Variants in NCKAP5 observed in about 807,000 individuals in gnomAD.
The protein encoded by NCKAP5 is NCK associated protein 5.
In NCKAP5, 92 loss-of-function variants were observed where a neutral mutation model predicts 167.0. The observed-to-expected ratio is 0.55, with a 90% CI of 0.47 to 0.66. The LOEUF is 0.66. Among genes scored for constraint, NCKAP5 ranks in the 30% least tolerant of loss-of-function variants. NCKAP5 has a pLI of 0.00. For synonymous variants in NCKAP5, 891 were observed against 877.4 expected (o/e 1.02, Z -0.27); for missense variants, 2,378 against 2,315.0 (o/e 1.03, Z -0.56).
chr2:132,759,384 A>C (rs1226850646), intron 16 of NCKAP5, among the ~76,000 whole-genome samples: 1 of 152,122 alleles, frequency 6.6e-6, no homozygotes, highest in East Asian at 1.9e-4. Flanking sequence ...TTAGACTACT[A>C]TCCACAGTAA....
At chr2:132,760,046 C>A (rs1680869935) in intron 16 of NCKAP5, among the ~76,000 whole-genome samples, 1 of 152,024 alleles carries the variant, frequency 6.6e-6, no homozygotes, top group Admixed American at 6.6e-5. Context: ...ATATATTAAT[C>A]ATTTTCCTTA....
At chr2:132,832,089 G>C (rs1037020664) in intron 11 of NCKAP5, among the ~76,000 whole-genome samples, 1 of 152,052 alleles carries the variant, frequency 6.6e-6, no homozygotes, top group East Asian at 1.9e-4. Context: ...AATTTGGTAG[G>C]CAAGTCCCCC....
chr2:133,598,185 G>A, the NCKAP5 span, among the ~76,000 whole-genome samples: 4 of 152,200 alleles, frequency 2.6e-5, no homozygotes, highest in African/African-American at 9.7e-5. Flanking sequence ...AGATTGCTGT[G>A]AGGATTAAAT....
At chr2:133,360,069 C>A (rs1230247102) in intron 3 of NCKAP5, among the ~76,000 whole-genome samples, 2 of 152,064 alleles carry the variant, frequency 1.3e-5, no homozygotes, top group Non-Finnish European at 2.9e-5. Context: ...CCACCACCAG[C>A]CTAGGATGAG....
chr2:133,161,149 A>G (rs769683248), intron 5 of NCKAP5, among the ~76,000 whole-genome samples: 3 of 152,316 alleles, frequency 2.0e-5, no homozygotes, highest in Middle Eastern at 3.4e-3. Flanking sequence ...ATGAGAATCT[A>G]ATTCCTGATG....
intron 3 of NCKAP5, among the ~76,000 whole-genome samples, chr2:133,396,672 C>T (rs1687747602): frequency 6.6e-6 from 1 of 152,076 alleles, no homozygotes; most frequent in African/African-American, 2.4e-5. Flanking sequence ...TGAGGACCCA[C>T]ACTAATGACA....
At chr2:133,588,030 A>G in the NCKAP5 span, among the ~76,000 whole-genome samples, 1 of 152,142 alleles carries the variant, frequency 6.6e-6, no homozygotes, top group South Asian at 2.1e-4. Context: ...ATAGAATAAA[A>G]AGGAATAAAT....
At chr2:132,805,907 A>T (rs1414892155) in intron 11 of NCKAP5, among the ~76,000 whole-genome samples, 2 of 152,072 alleles carry the variant, frequency 1.3e-5, no homozygotes, top group Admixed American at 6.6e-5. Flanking sequence ...CATATTTGTC[A>T]TCTTTTATCC....
chr2:132,771,989 C>T (rs1221745091), intron 16 of NCKAP5, among the ~76,000 whole-genome samples: 2 of 151,908 alleles, frequency 1.3e-5, no homozygotes, highest in South Asian at 2.1e-4. Context: ...CTGCACCAGG[C>T]CGATACTCGT....
At chr2:133,233,351 G>T (rs923756701) in intron 4 of NCKAP5, among the ~76,000 whole-genome samples, 8 of 152,054 alleles carry the variant, frequency 5.3e-5, no homozygotes, top group Non-Finnish European at 1.0e-4. Flanking sequence ...TTTTATGCAA[G>T]CATAAATAGT....
intron 4 of NCKAP5, among the ~76,000 whole-genome samples, chr2:133,226,917 T>C (rs1210251646): frequency 6.6e-6 from 1 of 152,218 alleles, no homozygotes; most frequent in Non-Finnish European, 1.5e-5. Context: ...CTATCAACTA[T>C]GTATGTTTGT....
intron 11 of NCKAP5, among the ~76,000 whole-genome samples, chr2:132,816,986 C>T (rs1369387699): frequency 6.6e-6 from 1 of 152,178 alleles, no homozygotes; most frequent in African/African-American, 2.4e-5. Context: ...TCTATAATTA[C>T]TAAGTATAAT....
At position 133,081,875 on chromosome 2, in the gene NCKAP5, T is replaced by C. The variant is rs553121616; in HGVS notation, c.341+48103A>G. Among the ~76,000 whole-genome samples, 19 of 152,282 alleles carry C rather than the reference T, an allele frequency of 1.2e-4. 1 individual carries two copies. In the South Asian group the frequency reaches 3.5e-3, roughly 28 times the overall value. Reference sequence around the variant, plus strand: ...AAGTGACACAGAAGCAAGGCTTATATAGCACTGTCACAGTTTTAACATTTT... The same window carrying C: ...AAGTGACACAGAAGCAAGGCTTATACAGCACTGTCACAGTTTTAACATTTT... On this transcript the variant is annotated intron_variant, in intron 6 of 19. Transcript: ENST00000409261.
chr2:132,995,629 C>A (rs113136531), intron 6 of NCKAP5, among the ~76,000 whole-genome samples: 5,643 of 148,988 alleles, frequency 0.038, 345 homozygotes, highest in African/African-American at 0.13. Context: ...CCAGCCTGGG[C>A]GACAGAGACT....
At chr2:133,382,938 TG>T (rs1160971338) in intron 3 of NCKAP5, among the ~76,000 whole-genome samples, 1 of 152,096 alleles carries the variant, frequency 6.6e-6, no homozygotes, top group Non-Finnish European at 1.5e-5. Flanking sequence ...AACACTGAAT[TG>T]AATGAATGAA....
chr2:132,843,334 C>T (rs1688430126), intron 11 of NCKAP5, among the ~76,000 whole-genome samples: 1 of 152,010 alleles, frequency 6.6e-6, no homozygotes, highest in African/African-American at 2.4e-5. Flanking sequence ...ATTAAGTTCA[C>T]CTTACATTTA....
chr2:132,938,689 A>T (rs764667673), intron 8 of NCKAP5, among the ~76,000 whole-genome samples: 57 of 152,328 alleles, frequency 3.7e-4, no homozygotes, highest in Admixed American at 7.8e-4. Context: ...CCCTCAGCTC[A>T]GGGAATAGTA....
chr2:133,168,280 ATTTT>A (rs35632445), intron 5 of NCKAP5, among the ~76,000 whole-genome samples: 26 of 125,980 alleles, frequency 2.1e-4, no homozygotes, highest in African/African-American at 4.7e-4. Flanking sequence ...AACTGATAAC[ATTTT>A]TTTTTTTTTT....
At chr2:133,343,700 G>A (rs1264319550) in intron 3 of NCKAP5, among the ~76,000 whole-genome samples, 2 of 152,160 alleles carry the variant, frequency 1.3e-5, no homozygotes, top group African/African-American at 4.8e-5. Flanking sequence ...CATATGTAAA[G>A]GACATCCCAA....
Sources: gnomAD v4.1 joint callset for allele counts (sites outside exome capture counted in the v4.1 genomes callset) on GRCh38, gnomAD v4.1.1 for gene constraint, MANE v1.5 for transcripts, NCBI Gene and HGNC (gene_info 2026-07-23, HGNC 2026-07-21) for gene names.